The following NUP210 variants were observed in gnomAD, a reference collection of about 807,000 sequenced individuals.
NUP210 encodes nuclear pore membrane glycoprotein 210.
Under a neutral mutation model 196.0 loss-of-function variants are expected in NUP210, and 151 were observed. That is an observed-to-expected ratio of 0.77 (90% CI 0.67 to 0.88). The LOEUF (loss-of-function observed/expected upper bound fraction) is 0.88, where lower values mean the gene tolerates loss of function less well. Among genes scored for constraint, NUP210 ranks in the 40% least tolerant of loss-of-function variants. The pLI is 0.00. For missense variants in NUP210, 2,314 were observed against 2,493.7 expected (o/e 0.93, Z 1.53); for synonymous variants, 1,070 against 1,052.7 (o/e 1.02, Z -0.32).
At chr3:13,395,043 G>A (rs565048821) in intron 3 of NUP210, among the ~76,000 whole-genome samples, 1 of 152,156 alleles carries the variant, frequency 6.6e-6, no homozygotes, top group East Asian at 1.9e-4. Context: ...GAATGACCCA[G>A]TCTGTGGAGA....
chr3:13,351,875 T>C lies in NUP210; in HGVS notation c.2835+4A>G, dbSNP rs2124878282. ...AACAGTGGGGACCGATGGCCCAAGC[T>C]TACCATGGCGACACCCCTGGCCTCC... On this transcript the variant is annotated splice_donor_region_variant and intron_variant, in intron 20 of 39. Transcript: ENST00000254508. 6.2e-7 allele frequency: 1 copy of C among 1,604,614 alleles called. No individual in the cohort carries two copies.
intron 13 of NUP210, among the ~76,000 whole-genome samples, chr3:13,367,123 T>A (rs1304480020): frequency 4.4e-5 from 6 of 135,696 alleles, no homozygotes; most frequent in African/African-American, 5.7e-5. Flanking sequence ...TGAAACTCTG[T>A]CTCAAAAGAA....
rs769840814 is a variant in NUP210, at chr3:13,330,489, C to T, written c.4081G>A (p.Ala1361Thr). Residue 1361 changes from alanine to threonine, a missense_variant, in exon 30 of 40, where the codon GCC becomes ACC. Physicochemically the swap from Ala to Thr is moderately conservative, Grantham distance 58 (BLOSUM62 0). Coordinates refer to ENST00000254508, the MANE Select transcript of NUP210 (RefSeq NM_024923.4). The stretch of plus-strand genomic sequence containing the variant: ...ACAGCAACAATGATGGTTTGGTTGG[C>T]CCCAAAGGGCTCTTGTGCAATCACT... ...IEVIAQEPFGANQTIIVAVKV... is the reference protein window; with the variant it reads ...IEVIAQEPFGTNQTIIVAVKV... 16 of 1,613,994 alleles carry T rather than the reference C, an allele frequency of 9.9e-6. No individual in the cohort carries two copies. The South Asian group carries it at 1.6e-4, about 17-fold the overall frequency.
In NUP210 at chr3:13,319,012, C is replaced by T. The variant is rs544712379; in HGVS notation, c.5563+60G>A. On this transcript the variant is annotated intron_variant, in intron 39 of 39. Coordinates refer to ENST00000254508, the MANE Select transcript of NUP210 (RefSeq NM_024923.4). ...GGGTTCAGGAGCCTCGACCCCTCCC[C>T]CAGGGCTCTTCTCTTTCTCAGCAGC... The T allele has an allele frequency of 4.7e-6, 7 of 1,497,490 alleles. No individual in the cohort carries two copies. The South Asian group carries it at 8.6e-5, about 18-fold the overall frequency. The allele number at this position is 1,497,490 out of a possible 1,614,324, so 92.8% of individuals were successfully genotyped here. A position where few individuals can be genotyped will look rare whatever the true frequency, so the allele number is the denominator to read the frequency against.
rs146504711 is a variant in NUP210, at chr3:13,323,410, C to T, written c.4667G>A (p.Arg1556Lys). 5.0e-5 allele frequency: 80 copies of T among 1,614,128 alleles called. No individual in the cohort carries two copies. In the Admixed American group the frequency reaches 1.1e-3, roughly 22 times the overall value. Reference sequence around the variant, plus strand: ...GGGGTGGAGGTGACGGGCCATGATCCTCTGAGGGACGCTGACCACCACCTA... The same window carrying T: ...GGGGTGGAGGTGACGGGCCATGATCTTCTGAGGGACGCTGACCACCACCTA... ...YKEVVVSVPQ[R>K]IMARHLHPIQ... The change falls in exon 34 of 40, where the codon AGG becomes AAG. Residue 1556 changes from arginine to lysine, a missense_variant. Arg to Lys is a conservative substitution (Grantham distance 26, BLOSUM62 2). Transcript: ENST00000254508. The surrounding 1 kb of genome is among the most constrained non-coding windows in gnomAD (Gnocchi z 4.3).
chr3:13,319,871 G>A lies in NUP210; in HGVS notation c.5275C>T (p.Gln1759Ter). Residue 1759 changes from glutamine to a stop codon, truncating the protein, a stop_gained, in exon 37 of 40, where the codon CAA (glutamine) becomes TAA (stop). Transcript: ENST00000254508. LOFTEE classifies it high-confidence loss of function. ...VGVLDPAAGSQGPLSTTLTFS... is the reference protein window; with the variant it reads ...VGVLDPAAGS ...GTCAGGGTAGTGGACAGAGGCCCTT[G>A]GCTGCCAGCCGCGGGGTCCAAGACG... 1 of 1,614,218 alleles carries A rather than the reference G, an allele frequency of 6.2e-7. No individual in the cohort carries two copies. The highest frequency in any genetic ancestry group is 2.2e-5 in the East Asian group (1 of 44,884).
At chr3:13,344,292 T>C (rs1467560068) in intron 20 of NUP210, among the ~76,000 whole-genome samples, 1 of 152,262 alleles carries the variant, frequency 6.6e-6, no homozygotes, top group African/African-American at 2.4e-5. Context: ...TGTCTGTTTA[T>C]GATGGAATTC....
chr3:13,334,923 T>G (rs1046002841), intron 28 of NUP210, among the ~76,000 whole-genome samples: 1 of 152,144 alleles, frequency 6.6e-6, no homozygotes. Flanking sequence ...TCCCCAGGCC[T>G]CTTGAGGCCA....
intron 4 of NUP210, 49 bp downstream of exon 4, chr3:13,391,162 C>G: frequency 7.2e-7 from 1 of 1,379,712 alleles, no homozygotes; most frequent in Non-Finnish European, 1.0e-6. Context: ...AGGTGTCCCC[C>G]TTTCCCCTTC....
rs192188559 is a variant in NUP210 at position 13,394,427 on chromosome 3, C to A, written c.436+2930G>T. On this transcript the variant is annotated intron_variant, in intron 3 of 39. Transcript: ENST00000254508. ...GCCCTGTCTGGAGGCGGGCACTCTG[C>A]AGGTGGCTTCTGGCCAAAAGGGCAG... Among the ~76,000 whole-genome samples the A allele has an allele frequency of 5.9e-5, 9 of 152,368 alleles. No homozygotes were observed. In the East Asian group the frequency reaches 1.7e-3, roughly 29 times the overall value.
chr3:13,328,403 C>T (rs1461418995), intron 31 of NUP210, among the ~76,000 whole-genome samples: 1 of 152,248 alleles, frequency 6.6e-6, no homozygotes, highest in Non-Finnish European at 1.5e-5. Context: ...CATAAGGCAA[C>T]ACCCCTGACA....
At position 13,350,583 on chromosome 3, in the gene NUP210, C is replaced by T. The variant is rs1697935005; in HGVS notation, c.2835+1296G>A. 6.6e-6 allele frequency among the ~76,000 whole-genome samples: 1 copy of T among 152,080 alleles called. No homozygotes were observed. Among genetic ancestry groups the T allele is most frequent in the African/African-American group, 2.4e-5 (1 of 41,392 alleles). ...AGAGATCAGATTCACCAGGCAAAGC[C>T]TTCCAACCAAACAACGATGAAGGGA... On this transcript the variant is annotated intron_variant, in intron 20 of 39. Transcript: ENST00000254508. The surrounding 1 kb of genome is among the most constrained non-coding windows in gnomAD (Gnocchi z 4.1).
chr3:13,318,292 G>A (rs1696356438), intron 39 of NUP210, among the ~76,000 whole-genome samples: 1 of 152,178 alleles, frequency 6.6e-6, no homozygotes, highest in Non-Finnish European at 1.5e-5. Context: ...CGAGGAGGCC[G>A]AGCACCCGTG....
At chr3:13,354,183 A>G (rs1000685021) in intron 16 of NUP210, 76 bp from the exon 17 acceptor site, 25 of 1,293,954 alleles carry the variant, frequency 1.9e-5, no homozygotes, top group African/African-American at 4.4e-5. Context: ...GTGCACTCTG[A>G]GGCCAGCAGC....
At chr3:13,365,918 G>A (rs1242705067) in intron 14 of NUP210, 28 bp downstream of exon 14, 2 of 1,612,910 alleles carry the variant, frequency 1.2e-6, no homozygotes, top group South Asian at 1.1e-5. Flanking sequence ...GGGCAGGGGG[G>A]TGGTAAAGGG....
At chr3:13,352,569 G>A (rs929999399) in intron 18 of NUP210, among the ~76,000 whole-genome samples, 11 of 152,338 alleles carry the variant, frequency 7.2e-5, no homozygotes, top group Admixed American at 6.5e-4. Context: ...CTGGAAGTGT[G>A]GCCAAGGCTG....
In NUP210 at chr3:13,323,274, T is replaced by C; in HGVS notation, c.4768+35A>G. On this transcript the variant is annotated intron_variant, in intron 34 of 39. Coordinates refer to ENST00000254508, the MANE Select transcript of NUP210 (RefSeq NM_024923.4). The surrounding 1 kb of genome is among the most constrained non-coding windows in gnomAD (Gnocchi z 4.3). Reference sequence around the variant, plus strand: ...AGGAAGCCACCTCCCCGCTCCCAGGTACTCTGAAGACAGCCCAAGCCCCTC... The same window carrying C: ...AGGAAGCCACCTCCCCGCTCCCAGGCACTCTGAAGACAGCCCAAGCCCCTC... The C allele has an allele frequency of 6.2e-7, 1 of 1,613,010 alleles. No individual in the cohort carries two copies. Among genetic ancestry groups the C allele is most frequent in the Non-Finnish European group, 8.5e-7 (1 of 1,179,326 alleles).
At chr3:13,343,338 G>GGGGGGGGGGGGGGGGGGGGGGGGA in intron 20 of NUP210, 35 bp from the exon 21 acceptor site, 1 of 1,546,900 alleles carries the variant, frequency 6.5e-7, no homozygotes, top group Non-Finnish European at 8.8e-7. Flanking sequence ...GGGGTGGGTG[G>GGGGGGGGGGGGGGGGGGGGGGGGA]TGGGTTACGC....
At position 13,360,385 on chromosome 3, in the gene NUP210, T is replaced by A. The variant is rs377409844; in HGVS notation, c.2039A>T (p.Gln680Leu). The A allele has an allele frequency of 2.5e-6, 4 of 1,614,048 alleles. No individual in the cohort carries two copies. Among genetic ancestry groups the A allele is most frequent in the African/African-American group, 2.7e-5 (2 of 74,940 alleles). The change falls in exon 15 of 40, where the codon CAG becomes CTG. Residue 680 changes from glutamine to leucine, a missense_variant. Gln to Leu is a moderately radical substitution (Grantham distance 113). Transcript: ENST00000254508. ...PWILEPSKFF[Q>L]NVTAEDTDSI... The stretch of plus-strand genomic sequence containing the variant: ...GTCAGTGTCCTCAGCGGTGACGTTC[T>A]GGAAGAATTTGGACGGCTCGAGGAT...
Sources: gnomAD v4.1 joint callset for allele counts (sites outside exome capture counted in the v4.1 genomes callset) on GRCh38, gnomAD v4.1.1 for gene constraint, Gnocchi (gnomAD v3.1) non-coding constraint, MANE v1.5 for transcripts, NCBI Gene and HGNC (gene_info 2026-07-23, HGNC 2026-07-21) for gene names.